The following SLC12A6 variants were observed in gnomAD, a reference collection of about 807,000 sequenced individuals.
SLC12A6 encodes K-Cl cotransporter 3.
A neutral mutation model predicts 135.3 loss-of-function variants in SLC12A6; 66 were observed. The observed-to-expected ratio is 0.49, with a 90% confidence interval of 0.40 to 0.60. The LOEUF (loss-of-function observed/expected upper bound fraction) is 0.60, where lower values mean the gene tolerates loss of function less well. SLC12A6 is among the 20% of genes least tolerant of loss of function. The pLI is 0.00. For missense variants in SLC12A6, 1,058 were observed against 1,452.3 expected, an observed-to-expected ratio of 0.73 and a Z score of 4.41; for synonymous variants, 513 against 508.8, an observed-to-expected ratio of 1.01 and a Z score of -0.11.
intron 2 of SLC12A6, among the ~76,000 whole-genome samples, chr15:34,307,229 G>A (rs967703772): frequency 6.6e-6 from 1 of 152,132 alleles, no homozygotes; most frequent in Non-Finnish European, 1.5e-5. Flanking sequence ...CAAAGGGATT[G>A]ACATCCCTAA....
At position 34,260,960 on chromosome 15, in the gene SLC12A6, T is replaced by C; in HGVS notation, c.377A>G (p.Asp126Gly). ...YLNNSNYEEG[D>G]EYFDKNLALF... is the part of the protein sequence containing the mutation. ...TGCCAAATTTTTATCAAAATATTCA[T>C]CTCCTTCTTCATAATTGGAATTATT... The change falls in exon 4 of 26, where the codon GAT (aspartate) becomes GGT (glycine). Residue 126 changes from aspartate to glycine, a missense_variant. Transcript: ENST00000354181. 1 of 1,553,258 alleles carries C rather than the reference T, an allele frequency of 6.4e-7. No individual in the cohort carries two copies. The highest frequency in any genetic ancestry group is 8.9e-7 in the Non-Finnish European group (1 of 1,124,682).
Position 34,245,783 on chromosome 15 carries a change from A to C in SLC12A6, c.1734T>G (p.Phe578Leu). Residue 578 changes from phenylalanine to leucine, a missense_variant, in exon 14 of 26, where the codon TTT becomes TTG. This residue lies in a region of SLC12A6 where 170 missense variants were observed against 297.6 expected (regional missense o/e 0.57). Transcript: ENST00000354181. Reference protein sequence around the residue: ...SPWVIVIGSFFSTCGAGLQSL... With the variant: ...SPWVIVIGSFLSTCGAGLQSL... ...TCTGAAGTCCAGCCCCACATGTTGA[A>C]AAGAAGGAGCCAATAACAATCACCC... is the stretch of plus-strand genomic sequence containing the variant. 1 of 1,613,774 alleles carries C rather than the reference A, an allele frequency of 6.2e-7. No homozygotes were observed. Among genetic ancestry groups the C allele is most frequent in the Non-Finnish European group, 8.5e-7 (1 of 1,179,684 alleles).
chr15:34,268,332 T>C (rs991857235), intron 3 of SLC12A6, among the ~76,000 whole-genome samples: 7 of 152,204 alleles, frequency 4.6e-5, no homozygotes, highest in African/African-American at 1.7e-4. Context: ...CTGGAGATTT[T>C]TGTCTACATT....
intron 2 of SLC12A6, among the ~76,000 whole-genome samples, chr15:34,300,335 C>G (rs1461886404): frequency 6.6e-6 from 1 of 152,122 alleles, no homozygotes; most frequent in Non-Finnish European, 1.5e-5. Context: ...CATTTTAACT[C>G]TGTAAGGATT....
rs35583475 is a variant in SLC12A6 at position 34,254,503 on chromosome 15, G to A, written c.963C>T (p.Tyr321=). ...SAAMLNNMRV[Y]GTAFLVLMVL... ...CCATAAGGACCAAGAAAGCTGTGCC[G>A]TAGACACGCATGTTATTTAGCATGG... The change falls in exon 9 of 26, where the codon TAC becomes TAT. Residue 321 remains tyrosine, a synonymous_variant. Transcript: ENST00000354181. 0.017 allele frequency: 27,270 copies of A among 1,612,878 alleles called. 431 individuals carry two copies. Among genetic ancestry groups the A allele is most frequent in the Admixed American group, 0.064 (3,837 of 59,988 alleles).
intron 2 of SLC12A6, chr15:34,318,547 A>C: frequency 6.2e-7 from 1 of 1,608,528 alleles, no homozygotes; most frequent in South Asian, 1.1e-5. Flanking sequence ...AAAGCTCCCA[A>C]GTTGCGTACT....
intron 1 of SLC12A6, 101 bp downstream of exon 1, chr15:34,337,231 T>A (rs1349591426): frequency 5.7e-6 from 1 of 176,228 alleles, no homozygotes; most frequent in African/African-American, 2.4e-5. Flanking sequence ...CAGGTCTGGC[T>A]GGGGGGAGGT....
rs747091249 is a variant in SLC12A6, at chr15:34,238,853, G to C, written c.2632+112C>G. The C allele has an allele frequency of 2.4e-5, 23 of 967,138 alleles. No individual in the cohort carries two copies. The Admixed American group carries it at 3.9e-4, about 16-fold the overall frequency. The allele number at this position is 967,138 out of a possible 1,614,324, so 59.9% of individuals were successfully genotyped here. On this transcript the variant is annotated intron_variant, in intron 20 of 25. Coordinates refer to ENST00000354181, the MANE Select transcript of SLC12A6 (RefSeq NM_001365088.1). ...AATAGTTTTTCAGGTTGCCTTATAA[G>C]ACTATGCTTCAGCAATGGCATAGTC...
intron 2 of SLC12A6, among the ~76,000 whole-genome samples, chr15:34,330,689 CAAAAA>C (rs11378922): frequency 1.3e-5 from 2 of 148,796 alleles, no homozygotes; most frequent in African/African-American, 5.1e-5. Context: ...AAAACAAAAA[CAAAAA>C]AAACAAAACT....
At chr15:34,254,993 A>G (rs983112617) in intron 8 of SLC12A6, among the ~76,000 whole-genome samples, 1 of 152,228 alleles carries the variant, frequency 6.6e-6, no homozygotes, top group African/African-American at 2.4e-5. Context: ...ATATCAAAAA[A>G]GATAAACTTT....
At chr15:34,263,244 C>T (rs1175918936) in intron 3 of SLC12A6, among the ~76,000 whole-genome samples, 1 of 152,034 alleles carries the variant, frequency 6.6e-6, no homozygotes, top group African/African-American at 2.4e-5. Context: ...CATTGAGACC[C>T]TGCCTCAACA....
Position 34,250,055 on chromosome 15 carries a change from C to A in SLC12A6, c.1649+243G>T, listed in dbSNP as rs190058349. Among the ~76,000 whole-genome samples, 242 of 152,296 alleles carry A rather than the reference C, an allele frequency of 1.6e-3. 2 individuals carry two copies. Among genetic ancestry groups the A allele is most frequent in the Admixed American group, 0.012 (182 of 15,292 alleles). On this transcript the variant is annotated intron_variant, in intron 13 of 25. Coordinates refer to ENST00000354181, the MANE Select transcript of SLC12A6 (RefSeq NM_001365088.1). The stretch of plus-strand genomic sequence containing the variant: ...AAGTAGCCAGGACTGTAGGTGCACA[C>A]CACCACACCTGGCTAATTTTTGTGC...
Position 34,261,024 on chromosome 15 carries a change from G to T in SLC12A6, c.317-4C>A. On this transcript the variant is annotated splice_polypyrimidine_tract_variant and splice_region_variant and intron_variant, in intron 3 of 25. Transcript: ENST00000354181. ...CGAGCTTTCTTATGTCCGTCGTCTG[G>T]AAAAAAAAAAGTAGACCAAGTTAGT... is the stretch of plus-strand genomic sequence containing the variant. 1 of 1,302,992 alleles carries T rather than the reference G, an allele frequency of 7.7e-7. No individual in the cohort carries two copies. The highest frequency in any genetic ancestry group is 1.1e-6 in the Non-Finnish European group (1 of 938,388). 80.7% of individuals were successfully genotyped at this position (1,302,992 alleles called of 1,614,324 possible).
At chr15:34,273,916 T>C (rs1041677104) in intron 3 of SLC12A6, among the ~76,000 whole-genome samples, 4 of 152,118 alleles carry the variant, frequency 2.6e-5, no homozygotes, top group Non-Finnish European at 5.9e-5. Context: ...CAAGCATTAC[T>C]CCATACTGGT....
chr15:34,277,280 A>C (rs1264220646), intron 2 of SLC12A6, among the ~76,000 whole-genome samples: 1 of 152,076 alleles, frequency 6.6e-6, no homozygotes, highest in African/African-American at 2.4e-5. Flanking sequence ...GAAACATTTT[A>C]AAAATTAGGT....
At chr15:34,262,571 G>A (rs1893220318) in intron 3 of SLC12A6, among the ~76,000 whole-genome samples, 1 of 152,174 alleles carries the variant, frequency 6.6e-6, no homozygotes, top group Non-Finnish European at 1.5e-5. Flanking sequence ...GCAGCAGCGG[G>A]CGGGAGCAGG....
At chr15:34,253,995 A>G (rs1006838171) in intron 9 of SLC12A6, among the ~76,000 whole-genome samples, 2 of 152,224 alleles carry the variant, frequency 1.3e-5, no homozygotes, top group African/African-American at 4.8e-5. Flanking sequence ...GGTGGGCCTT[A>G]TAAAGGTTGC....
chr15:34,256,130 A>C, intron 7 of SLC12A6, 99 bp downstream of exon 7: 1 of 795,714 alleles, frequency 1.3e-6, no homozygotes, highest in Non-Finnish European at 2.3e-6. Context: ...GAACAGACCA[A>C]ATAGTATTCT....
At chr15:34,238,899 G>A in intron 20 of SLC12A6, 66 bp downstream of exon 20, 3 of 1,338,130 alleles carry the variant, frequency 2.2e-6, no homozygotes, top group South Asian at 1.2e-5. Context: ...GAGGCTGGGG[G>A]TGACAGAGAT....
Sources: allele counts gnomAD v4.1 joint callset (sites outside exome capture counted in the v4.1 genomes callset), GRCh38; gene constraint gnomAD v4.1.1; regional missense constraint gnomAD v4.1.1; transcripts MANE v1.5; gene names NCBI Gene and HGNC (gene_info 2026-07-23, HGNC 2026-07-21).